ASB11: variants seen among roughly 807,000 people sequenced by gnomAD.
ASB11 encodes ankyrin repeat and SOCS box protein 11.
A neutral mutation model predicts 20.1 loss-of-function variants in ASB11; 17 were observed. The ratio of observed to expected loss-of-function variants is 0.85; its 90% CI spans 0.58 to 1.27. ASB11 has a LOEUF of 1.27. Ranked by LOEUF, ASB11 falls within the 50% of genes most tolerant of loss-of-function variation. The probability of loss-of-function intolerance (pLI) is 0.00; values close to 1 mark genes in which losing one functional copy is unlikely to be tolerated. For synonymous variants in ASB11, 107 were observed against 105.6 expected, an observed-to-expected ratio of 1.01 and a Z score of -0.08; for missense variants, 259 against 256.9, an observed-to-expected ratio of 1.01 and a Z score of -0.06.
At chrX:15,301,230 T>C (rs1167994097) in intron 2 of ASB11, among the ~76,000 whole-genome samples, 1 of 106,538 alleles carries the variant, frequency 9.4e-6, no homozygotes, top group Non-Finnish European at 1.9e-5. Flanking sequence ...CCTAAAGTGC[T>C]AGGATTACAG....
intron 1 of ASB11, among the ~76,000 whole-genome samples, chrX:15,309,757 G>A (rs767263863): frequency 4.6e-4 from 50 of 109,100 alleles, no homozygotes; most frequent in African/African-American, 1.7e-3. Flanking sequence ...CACGAGGTCA[G>A]GAGATCGAGA....
chrX:15,310,496 ATGTGATT>A (rs1921397769), intron 1 of ASB11, among the ~76,000 whole-genome samples: 1 of 112,067 alleles, frequency 8.9e-6, no homozygotes, highest in Admixed American at 9.5e-5. Flanking sequence ...TTTTCTCAGA[ATGTGATT>A]TGTATCTCAG....
intron 1 of ASB11, among the ~76,000 whole-genome samples, chrX:15,307,431 A>C (rs1363697915): frequency 8.9e-6 from 1 of 112,537 alleles, no homozygotes; most frequent in Non-Finnish European, 1.9e-5. Context: ...ACCTCAGATC[A>C]TCAGGCATTA....
rs759150211 is a variant in ASB11 at position 15,287,888 on chromosome X, G to A, written c.840C>T (p.Leu280=). 1 of 1,205,823 alleles carries A rather than the reference G, an allele frequency of 8.3e-7. No individual in the cohort carries two copies. The highest frequency in any genetic ancestry group is 2.2e-5 in the Admixed American group (1 of 45,613). Residue 280 remains leucine (L), a synonymous_variant, in exon 6 of 7, where the codon CTC becomes CTT. Transcript: ENST00000480796. ...PKSSVEQALL[L]REGPPALSQL... ...TACCCAGCCCTTGGTTACCTTCACG[G>A]AGCAAGAGTGCCTGCTCCACGCTGC...
At chrX:15,305,597 T>TAGATAGA (rs756352756) in intron 1 of ASB11, among the ~76,000 whole-genome samples, 1 of 98,515 alleles carries the variant, frequency 1.0e-5, no homozygotes, top group Admixed American at 1.1e-4. Context: ...AAAAAAAAGA[T>TAGATAGA]TAGATAGATA....
chrX:15,289,803 T>C (rs1016706229), intron 4 of ASB11, among the ~76,000 whole-genome samples, 165 bp from the exon 5 acceptor site: 1 of 111,418 alleles, frequency 9.0e-6, no homozygotes, highest in Non-Finnish European at 1.9e-5. Context: ...ACCGGCGGAT[T>C]CCCTGAGGTC....
At chrX:15,313,702 A>G (rs143206039) in intron 1 of ASB11, among the ~76,000 whole-genome samples, 1,759 of 111,891 alleles carry the variant, frequency 0.016, 35 homozygotes, top group African/African-American at 0.049. Context: ...TCCAGATTAA[A>G]TTCAAACCAT....
chrX:15,303,968 A>G (rs1921154137), intron 1 of ASB11, among the ~76,000 whole-genome samples: 1 of 112,730 alleles, frequency 8.9e-6, no homozygotes, highest in Admixed American at 9.4e-5. Flanking sequence ...GTAACCCCCC[A>G]TTAAACCTGC....
intron 1 of ASB11, among the ~76,000 whole-genome samples, chrX:15,308,855 G>A (rs749663689): frequency 1.7e-4 from 19 of 111,648 alleles, no homozygotes; most frequent in African/African-American, 6.2e-4. Context: ...GCCATTCCGT[G>A]GCCTGTTAGG....
intron 2 of ASB11, among the ~76,000 whole-genome samples, chrX:15,300,082 A>T (rs1471650723): frequency 8.9e-6 from 1 of 112,880 alleles, no homozygotes; most frequent in Non-Finnish European, 1.9e-5. Context: ...AGTTAGAAAA[A>T]GTCTTTTCAT....
At chrX:15,309,946 C>CGACA (rs1217771183) in intron 1 of ASB11, among the ~76,000 whole-genome samples, 8 of 73,018 alleles carry the variant, frequency 1.1e-4, no homozygotes, top group Non-Finnish European at 1.5e-4. Flanking sequence ...CCAGCCTGGG[C>CGACA]GACAGAGCAA....
chrX:15,287,908 C>T lies in ASB11; in HGVS notation c.820G>A (p.Val274Met), dbSNP rs760467867. ...TCACGGAGCAAGAGTGCCTGCTCCA[C>T]GCTGCTTTTTGGAGCCGCCAGATCA... is the stretch of plus-strand genomic sequence containing the variant. ...ALDLAAPKSS[V>M]EQALLLREGP... Residue 274 changes from valine to methionine, a missense_variant, in exon 6 of 7, where the codon GTG becomes ATG. Coordinates refer to ENST00000480796, the MANE Select transcript of ASB11 (RefSeq NM_080873.3). 6.6e-6 allele frequency: 8 copies of T among 1,208,900 alleles called. No homozygotes were observed. The African/African-American group carries it at 7.0e-5, about 11-fold the overall frequency.
rs964126545 is a variant in ASB11, at chrX:15,291,109, G to A, written c.521-1471C>T. ...AAGTTTTAAAAATGAATACAGAAAA[G>A]TTAAATAGCTAGCACTAATACAAGT... On this transcript the variant is annotated intron_variant, in intron 4 of 6. Transcript: ENST00000480796. 2.7e-5 allele frequency among the ~76,000 whole-genome samples: 3 copies of A among 111,821 alleles called. No individual in the cohort carries two copies. In the East Asian group the frequency reaches 8.4e-4, roughly 31 times the overall value.
At chrX:15,287,196 G>A (rs1927410574) in intron 6 of ASB11, among the ~76,000 whole-genome samples, 1 of 112,545 alleles carries the variant, frequency 8.9e-6, no homozygotes, top group Admixed American at 9.4e-5. Context: ...TACAGACTCT[G>A]ACTCAAGTCT....
At chrX:15,289,666 A>G in intron 4 of ASB11, 28 bp from the exon 5 acceptor site, 3 of 1,185,461 alleles carry the variant, frequency 2.5e-6, no homozygotes, top group Non-Finnish European at 3.4e-6. Context: ...ACCCTCACTC[A>G]AGTAAGGGAC....
intron 6 of ASB11, 59 bp downstream of exon 6, chrX:15,287,822 G>C: frequency 1.8e-6 from 2 of 1,113,477 alleles, no homozygotes; most frequent in Non-Finnish European, 2.4e-6. Context: ...CTACAGATGA[G>C]ACAGGAAGGG....
intron 1 of ASB11, among the ~76,000 whole-genome samples, chrX:15,310,666 TTTCAGA>T (rs1194445323): frequency 8.9e-6 from 1 of 112,712 alleles, no homozygotes; most frequent in East Asian, 2.8e-4. Context: ...TCAACAAGTA[TTTCAGA>T]TTACTGTTTT....
intron 4 of ASB11, among the ~76,000 whole-genome samples, chrX:15,290,283 C>A (rs111394800): frequency 0.025 from 2,745 of 110,930 alleles, 92 homozygotes; most frequent in African/African-American, 0.084. Context: ...AGTGACAAGA[C>A]CCAGAGGGAC....
intron 2 of ASB11, among the ~76,000 whole-genome samples, chrX:15,298,415 T>C (rs997144939): frequency 9.1e-6 from 1 of 110,324 alleles, no homozygotes; most frequent in African/African-American, 3.3e-5. Flanking sequence ...CCACAGAAAG[T>C]AGAAGCAGGA....
Sources: gnomAD v4.1 joint callset for allele counts (sites outside exome capture counted in the v4.1 genomes callset) on GRCh38, gnomAD v4.1.1 for gene constraint, MANE v1.5 for transcripts, NCBI Gene and HGNC (gene_info 2026-07-23, HGNC 2026-07-21) for gene names.